Variants in ATP10A observed in about 807,000 individuals in gnomAD.
ATP10A encodes ATPase phospholipid transporting 10A (putative).
Under a neutral mutation model 147.8 loss-of-function variants are expected in ATP10A, and 111 were observed. The observed-to-expected ratio is 0.75, with a 90% CI of 0.64 to 0.88. ATP10A has a LOEUF of 0.88. Ranked by LOEUF, ATP10A falls within the 40% of genes least tolerant of loss-of-function variation. The probability of loss-of-function intolerance (pLI) is 0.00; values close to 1 mark genes in which losing one functional copy is unlikely to be tolerated. For missense variants in ATP10A, 1,927 were observed against 1,959.0 expected, an observed-to-expected ratio of 0.98 and a Z score of 0.31; for synonymous variants, 875 against 841.6, an observed-to-expected ratio of 1.04 and a Z score of -0.69.
intron 1 of ATP10A, among the ~76,000 whole-genome samples, chr15:25,833,672 T>C (rs192390817): frequency 9.1e-4 from 139 of 152,338 alleles, no homozygotes; most frequent in Middle Eastern, 3.4e-3. Context: ...AATTTTTTTG[T>C]GCTAAGAACA....
At chr15:25,712,390 G>C (rs1901487212) in intron 10 of ATP10A, among the ~76,000 whole-genome samples, 1 of 152,186 alleles carries the variant, frequency 6.6e-6, no homozygotes, top group Non-Finnish European at 1.5e-5. Context: ...TACAGGACTG[G>C]ACAGGCCTCG....
At chr15:25,829,861 A>T (rs1301499789) in intron 1 of ATP10A, among the ~76,000 whole-genome samples, 2 of 152,118 alleles carry the variant, frequency 1.3e-5, no homozygotes, top group Non-Finnish European at 2.9e-5. Context: ...TCAAGCAAAG[A>T]CTTTGGATCT....
chr15:25,683,750 G>A (rs1382853870), intron 16 of ATP10A: 4 of 513,236 alleles, frequency 7.8e-6, no homozygotes, highest in Non-Finnish European at 1.4e-5. Context: ...AGCACTTGCG[G>A]GGATGAGATT....
intron 9 of ATP10A, among the ~76,000 whole-genome samples, chr15:25,715,958 G>A (rs1901774607): frequency 6.6e-6 from 1 of 152,150 alleles, no homozygotes; most frequent in Non-Finnish European, 1.5e-5. Context: ...CCCACTGTAG[G>A]GCTTTCTGGG....
chr15:25,733,527 G>T (rs552346364), intron 3 of ATP10A, among the ~76,000 whole-genome samples: 37 of 152,164 alleles, frequency 2.4e-4, no homozygotes, highest in Non-Finnish European at 2.2e-4. Context: ...CCACAGTCAC[G>T]GGGGCAAGTA....
At chr15:25,797,120 C>A (rs1032646987) in intron 1 of ATP10A, among the ~76,000 whole-genome samples, 32 of 152,032 alleles carry the variant, frequency 2.1e-4, no homozygotes, top group Admixed American at 2.0e-4. Context: ...TGACCAAAAT[C>A]CCCCCAAGTC....
Position 25,794,905 on chromosome 15 carries a change from T to C in ATP10A, c.450-13682A>G, listed in dbSNP as rs183969647. ...TCCCTGGAAGGTGTGCCATTCCCATTATCAGGATGAAGAGGGGGTTGAGTC... is the reference window on the plus strand; with the variant it reads ...TCCCTGGAAGGTGTGCCATTCCCATCATCAGGATGAAGAGGGGGTTGAGTC... On this transcript the variant is annotated intron_variant, in intron 1 of 20. Coordinates refer to ENST00000555815, the MANE Select transcript of ATP10A (RefSeq NM_024490.4). Among the ~76,000 whole-genome samples the C allele has an allele frequency of 2.8e-3, 422 of 152,186 alleles. 2 individuals are homozygous for C. Among genetic ancestry groups the C allele is most frequent in the African/African-American group, 9.6e-3 (400 of 41,540 alleles).
intron 1 of ATP10A, among the ~76,000 whole-genome samples, chr15:25,856,215 G>C (rs1343297873): frequency 6.6e-6 from 1 of 152,154 alleles, no homozygotes; most frequent in African/African-American, 2.4e-5. Flanking sequence ...TGAGGTAACT[G>C]AATCATGGAG....
At chr15:25,846,680 C>A (rs1893038036) in intron 1 of ATP10A, among the ~76,000 whole-genome samples, 1 of 152,150 alleles carries the variant, frequency 6.6e-6, no homozygotes, top group African/African-American at 2.4e-5. Flanking sequence ...CTGACACGTG[C>A]AATGTTCCTT....
intron 12 of ATP10A, among the ~76,000 whole-genome samples, chr15:25,705,154 A>T (rs1327458767): frequency 6.6e-6 from 1 of 152,146 alleles, no homozygotes; most frequent in Non-Finnish European, 1.5e-5. Context: ...TAAGATAAGC[A>T]CCTGGGCCTG....
intron 2 of ATP10A, among the ~76,000 whole-genome samples, chr15:25,762,724 C>T (rs1456649445): frequency 2.0e-5 from 3 of 152,194 alleles, no homozygotes; most frequent in South Asian, 2.1e-4. Flanking sequence ...TAGGAATTGG[C>T]GTGTGGCACC....
chr15:25,723,272 C>A (rs534765697), intron 6 of ATP10A, among the ~76,000 whole-genome samples: 2 of 151,676 alleles, frequency 1.3e-5, no homozygotes, highest in African/African-American at 4.8e-5. Context: ...TGCTTGAACC[C>A]AGGAAGTGGA....
chr15:25,815,969 G>A (rs1891637976), intron 1 of ATP10A, among the ~76,000 whole-genome samples: 1 of 151,126 alleles, frequency 6.6e-6, no homozygotes, highest in African/African-American at 2.4e-5. Flanking sequence ...AGGGTGGAAA[G>A]TTTTAAGAAA....
chr15:25,766,804 G>A (rs1298058674), intron 2 of ATP10A, among the ~76,000 whole-genome samples: 1 of 151,292 alleles, frequency 6.6e-6, no homozygotes, highest in Non-Finnish European at 1.5e-5. Context: ...GTGCCACGGG[G>A]ACTAGAGCTG....
At chr15:25,782,798 A>G (rs1315759434) in intron 1 of ATP10A, among the ~76,000 whole-genome samples, 2 of 152,184 alleles carry the variant, frequency 1.3e-5, no homozygotes, top group African/African-American at 2.4e-5. Flanking sequence ...TTTTTAAATA[A>G]GTGGAGGAAC....
chr15:25,775,085 A>G (rs1393642022), intron 2 of ATP10A, among the ~76,000 whole-genome samples: 1 of 152,206 alleles, frequency 6.6e-6, no homozygotes, highest in Non-Finnish European at 1.5e-5. Context: ...CTTAGATGAT[A>G]GATTATGCTG....
rs751467738 is a variant in ATP10A, at chr15:25,680,258, G to A, written c.3729C>T (p.Thr1243=). ...AAGACGCATTGTAAATCAAAGCCAC[G>A]GTGAAAAACAAAAGGACACTGAAGC... ...TCGFSVLLFF[T]VALIYNASCA... The change falls in exon 20 of 21, where the codon ACC becomes ACT. Residue 1243 remains threonine, a synonymous_variant. Transcript: ENST00000555815. 23 of 1,614,044 alleles carry A rather than the reference G, an allele frequency of 1.4e-5. No individual in the cohort carries two copies. In the East Asian group the frequency reaches 3.6e-4, roughly 25 times the overall value.
At chr15:25,790,071 G>A (rs541723388) in intron 1 of ATP10A, among the ~76,000 whole-genome samples, 2 of 152,296 alleles carry the variant, frequency 1.3e-5, no homozygotes, top group South Asian at 2.1e-4. Flanking sequence ...GGCAAAATCC[G>A]CAGTGGGAAC....
chr15:25,840,776 G>C (rs1327802191), intron 1 of ATP10A, among the ~76,000 whole-genome samples: 1 of 152,076 alleles, frequency 6.6e-6, no homozygotes, highest in Non-Finnish European at 1.5e-5. Context: ...CAACGTAGGA[G>C]AGATCCCATT....
Sources: gnomAD v4.1 joint callset for allele counts (sites outside exome capture counted in the v4.1 genomes callset) on GRCh38, gnomAD v4.1.1 for gene constraint, MANE v1.5 for transcripts, NCBI Gene and HGNC (gene_info 2026-07-23, HGNC 2026-07-21) for gene names.